Variants in PDE8A observed in about 807,000 individuals in gnomAD.
PDE8A encodes the protein high affinity cAMP-specific and IBMX-insensitive 3',5'-cyclic phosphodiesterase 8A.
Under a neutral mutation model 105.0 loss-of-function variants are expected in PDE8A, and 59 were observed. That is an observed-to-expected ratio of 0.56 (90% confidence interval 0.46 to 0.70). The LOEUF is 0.70. Ranked by LOEUF, PDE8A falls within the 30% of genes least tolerant of loss-of-function variation. The pLI is 0.00. For missense variants in PDE8A, 1,014 were observed against 1,045.9 expected (o/e 0.97, Z 0.42); for synonymous variants, 355 against 371.9 (o/e 0.95, Z 0.52).
At chr15:84,985,206 T>C (rs182930321) in intron 1 of PDE8A, among the ~76,000 whole-genome samples, 4 of 152,352 alleles carry the variant, frequency 2.6e-5, no homozygotes. Flanking sequence ...ACAAGAAATA[T>C]AATTAACAGT....
chr15:84,986,814 G>A lies in PDE8A; in HGVS notation c.186+4466G>A, dbSNP rs368085871. On this transcript the variant is annotated intron_variant, in intron 1 of 21. Transcript: ENST00000394553. ...TTTTTTGTCGAGACGAGATCTTGCT[G>A]TGCTGCCCAGGCTAGGCTCAAACTC... Among the ~76,000 whole-genome samples, 23 of 151,988 alleles carry A rather than the reference G, an allele frequency of 1.5e-4. No individual in the cohort carries two copies. The East Asian group carries it at 3.9e-3, about 25-fold the overall frequency.
At chr15:85,083,475 G>C in intron 5 of PDE8A, 81 bp from the exon 6 acceptor site, 1 of 798,058 alleles carries the variant, frequency 1.3e-6, no homozygotes, top group Non-Finnish European at 2.1e-6. Flanking sequence ...AAGTTGAGAA[G>C]TTTGTTTAAA....
intron 8 of PDE8A, among the ~76,000 whole-genome samples, chr15:85,091,614 G>A (rs2081644763): frequency 6.6e-6 from 1 of 152,178 alleles, no homozygotes; most frequent in Non-Finnish European, 1.5e-5. Flanking sequence ...GCCAGACACT[G>A]TGCTAGATTC....
intron 8 of PDE8A, among the ~76,000 whole-genome samples, chr15:85,091,901 CTTT>C (rs563631633): frequency 2.3e-5 from 2 of 88,378 alleles, no homozygotes; most frequent in Non-Finnish European, 2.1e-5. Context: ...TTCTGCTGGA[CTTT>C]TTTTTTTTTT....
At chr15:85,050,640 T>C (rs1251140484) in intron 1 of PDE8A, among the ~76,000 whole-genome samples, 1 of 152,212 alleles carries the variant, frequency 6.6e-6, no homozygotes, top group Non-Finnish European at 1.5e-5. Context: ...AAGGGTTTAT[T>C]TCTGGGCCCT....
chr15:85,049,325 T>C (rs910820361), intron 1 of PDE8A, among the ~76,000 whole-genome samples: 1 of 152,166 alleles, frequency 6.6e-6, no homozygotes, highest in African/African-American at 2.4e-5. Flanking sequence ...TAAAACAATA[T>C]ATCAATTAAA....
At chr15:85,055,447 G>A (rs200678047) in intron 1 of PDE8A, among the ~76,000 whole-genome samples, 12,719 of 152,150 alleles carry the variant, frequency 0.084, 937 homozygotes, top group East Asian at 0.27. Flanking sequence ...GGGAGTCTAA[G>A]TCTCTTTGTA....
At position 85,000,815 on chromosome 15, in the gene PDE8A, T is replaced by C. The variant is rs568055243; in HGVS notation, c.186+18467T>C. ...CTGTAGAGCCAGGTAGCTAAAATAATCTGCCCTGTTTTTCTTCCTTATGAG... is the reference window on the plus strand; with the variant it reads ...CTGTAGAGCCAGGTAGCTAAAATAACCTGCCCTGTTTTTCTTCCTTATGAG... On this transcript the variant is annotated intron_variant, in intron 1 of 21. Transcript: ENST00000394553. Among the ~76,000 whole-genome samples the C allele has an allele frequency of 4.6e-5, 7 of 152,334 alleles. No individual in the cohort carries two copies. The East Asian group carries it at 1.3e-3, about 29-fold the overall frequency.
At chr15:85,096,626 G>A (rs567854141) in intron 8 of PDE8A, among the ~76,000 whole-genome samples, 10 of 152,256 alleles carry the variant, frequency 6.6e-5, no homozygotes, top group African/African-American at 2.2e-4. Flanking sequence ...TGGACATGGA[G>A]GACAACCCAC....
At chr15:85,020,615 A>G (rs1405187248) in intron 1 of PDE8A, among the ~76,000 whole-genome samples, 5 of 152,144 alleles carry the variant, frequency 3.3e-5, no homozygotes, top group Admixed American at 2.6e-4. Flanking sequence ...AAACAAAACA[A>G]CAACAAAAAG....
chr15:85,046,249 A>G (rs138612838), intron 1 of PDE8A, among the ~76,000 whole-genome samples: 32 of 151,954 alleles, frequency 2.1e-4, no homozygotes, highest in African/African-American at 7.5e-4. Context: ...GGGTTTTACT[A>G]TGTTGGCTAG....
intron 1 of PDE8A, among the ~76,000 whole-genome samples, chr15:85,011,085 T>C (rs542692238): frequency 6.6e-6 from 1 of 152,292 alleles, no homozygotes; most frequent in South Asian, 2.1e-4. Context: ...CAAACTGTTC[T>C]TAGAAACGAC....
At chr15:85,016,111 G>A (rs2080321121) in intron 1 of PDE8A, among the ~76,000 whole-genome samples, 1 of 152,138 alleles carries the variant, frequency 6.6e-6, no homozygotes. Flanking sequence ...CTGTACTTCA[G>A]CCTGGGTGAC....
rs148963230 is a variant in PDE8A, at chr15:85,124,985, G to A, written c.2086-1222G>A. Among the ~76,000 whole-genome samples the A allele has an allele frequency of 1.1e-4, 17 of 152,340 alleles. No homozygotes were observed. The East Asian group carries it at 3.3e-3, about 29-fold the overall frequency. ...ATCAATATCCAGTGGGTCAGAGCAGGAGAAAGGAAGATGAAAGAGAATAGT... is the reference window on the plus strand; with the variant it reads ...ATCAATATCCAGTGGGTCAGAGCAGAAGAAAGGAAGATGAAAGAGAATAGT... On this transcript the variant is annotated intron_variant, in intron 19 of 21. Coordinates refer to ENST00000394553, the MANE Select transcript of PDE8A (RefSeq NM_002605.3).
At chr15:85,134,205 G>C (rs577214598) in intron 20 of PDE8A, among the ~76,000 whole-genome samples, 23 of 152,356 alleles carry the variant, frequency 1.5e-4, no homozygotes, top group African/African-American at 5.0e-4. Flanking sequence ...CATGTGAATA[G>C]GGAGGGCAGG....
At chr15:85,119,349 A>G (rs1019487322) in intron 17 of PDE8A, among the ~76,000 whole-genome samples, 4 of 151,454 alleles carry the variant, frequency 2.6e-5, no homozygotes, top group African/African-American at 9.7e-5. Context: ...CAGGCCTATA[A>G]TCCAGCTACT....
intron 1 of PDE8A, among the ~76,000 whole-genome samples, chr15:85,022,540 A>T (rs1009597146): frequency 1.7e-4 from 25 of 143,094 alleles, no homozygotes; most frequent in African/African-American, 5.8e-4. Flanking sequence ...TATATGCAAA[A>T]TTTTTTTTTT....
intron 3 of PDE8A, among the ~76,000 whole-genome samples, chr15:85,069,830 C>T (rs988390614): frequency 3.3e-5 from 5 of 152,182 alleles, no homozygotes; most frequent in South Asian, 2.1e-4. Flanking sequence ...TTTTCTACCA[C>T]GTCATCTCCA....
intron 6 of PDE8A, among the ~76,000 whole-genome samples, chr15:85,087,414 G>T (rs1385995763): frequency 6.6e-6 from 1 of 152,022 alleles, no homozygotes; most frequent in Non-Finnish European, 1.5e-5. Context: ...TTGCCCAGCT[G>T]GTCTTGAACA....
Sources: allele counts gnomAD v4.1 joint callset (sites outside exome capture counted in the v4.1 genomes callset), GRCh38; gene constraint gnomAD v4.1.1; transcripts MANE v1.5; gene names NCBI Gene and HGNC (gene_info 2026-07-23, HGNC 2026-07-21).